Variants in CRTC1 observed in about 807,000 individuals in gnomAD.
CRTC1 encodes CREB regulated transcription coactivator 1, also known as CREB-regulated transcription coactivator 1.
In CRTC1, 18 loss-of-function variants were observed where a neutral mutation model predicts 66.1. The observed-to-expected ratio is 0.27, with a 90% CI of 0.19 to 0.40. CRTC1 has a LOEUF of 0.40. CRTC1 is among the 10% of genes least tolerant of loss of function. The probability of loss-of-function intolerance (pLI) is 1.00; values close to 1 mark genes in which losing one functional copy is unlikely to be tolerated. For synonymous variants in CRTC1, 416 were observed against 398.8 expected (o/e 1.04, Z -0.51); for missense variants, 669 against 887.9 (o/e 0.75, Z 3.13).
At chr19:18,750,504 A>G (rs1312861103) in intron 5 of CRTC1, among the ~76,000 whole-genome samples, 1 of 152,114 alleles carries the variant, frequency 6.6e-6, no homozygotes, top group Non-Finnish European at 1.5e-5. Flanking sequence ...GGGAACCTTC[A>G]AGGAGGGCAT....
intron 2 of CRTC1, among the ~76,000 whole-genome samples, chr19:18,744,554 G>T (rs1490717889): frequency 2.0e-5 from 3 of 152,152 alleles, no homozygotes; most frequent in African/African-American, 7.2e-5. Flanking sequence ...AGGCCAGCAG[G>T]CAGGACGTGG....
intron 1 of CRTC1, among the ~76,000 whole-genome samples, chr19:18,690,919 G>C (rs2052815247): frequency 6.6e-6 from 1 of 151,816 alleles, no homozygotes; most frequent in African/African-American, 2.4e-5. Flanking sequence ...CCAGCTACTC[G>C]GGAGGCTGAG....
intron 5 of CRTC1, among the ~76,000 whole-genome samples, chr19:18,750,321 G>A (rs139033543): frequency 6.6e-6 from 1 of 152,134 alleles, no homozygotes; most frequent in African/African-American, 2.4e-5. Context: ...AACTCTCCTC[G>A]CCTGCAGCCC....
chr19:18,711,327 C>T (rs973269259), intron 1 of CRTC1, among the ~76,000 whole-genome samples: 1 of 151,938 alleles, frequency 6.6e-6, no homozygotes, highest in African/African-American at 2.4e-5. Flanking sequence ...TTGGCGGCCC[C>T]GGGGCCGCTT....
intron 1 of CRTC1, among the ~76,000 whole-genome samples, chr19:18,688,068 T>G (rs2052730280): frequency 6.6e-6 from 1 of 151,966 alleles, no homozygotes; most frequent in Non-Finnish European, 1.5e-5. Context: ...GAGCCTGGGG[T>G]GCTGGGGCTC....
At chr19:18,690,223 G>A (rs2052797489) in intron 1 of CRTC1, among the ~76,000 whole-genome samples, 1 of 152,074 alleles carries the variant, frequency 6.6e-6, no homozygotes, top group South Asian at 2.1e-4. Flanking sequence ...GACAGTCATG[G>A]TGGCACGGTC....
intron 6 of CRTC1, among the ~76,000 whole-genome samples, chr19:18,759,065 T>C (rs1305433587): frequency 7.2e-5 from 11 of 152,228 alleles, no homozygotes; most frequent in Admixed American, 6.5e-4. Flanking sequence ...CCGGGCGCAG[T>C]GCAGTGACGC....
In CRTC1 at chr19:18,741,516, C is replaced by T. The variant is rs1055895802; in HGVS notation, c.127-1394C>T. Among the ~76,000 whole-genome samples, 57 of 152,288 alleles carry T rather than the reference C, an allele frequency of 3.7e-4. No homozygotes were observed. The highest frequency in any genetic ancestry group is 2.2e-4 in the Non-Finnish European group (15 of 68,016). ...ACACAGAAGAGGGTGGAGAAAGTCA[C>T]GGGAGGCCACAGGCGACCTATGCCC... is the stretch of plus-strand genomic sequence containing the variant. On this transcript the variant is annotated intron_variant, in intron 1 of 13. Coordinates refer to ENST00000321949, the MANE Select transcript of CRTC1 (RefSeq NM_015321.3). The surrounding 1 kb of genome is among the most constrained non-coding windows in gnomAD (Gnocchi z 4.2).
rs568996698 is a variant in CRTC1 at position 18,774,372 on chromosome 19, GC to G, written c.1426-525del. Among the ~76,000 whole-genome samples the G allele has an allele frequency of 4.1e-3, 632 of 152,366 alleles. 2 individuals carry two copies. Among genetic ancestry groups the G allele is most frequent in the Non-Finnish European group, 7.2e-3 (490 of 68,042 alleles). On this transcript the variant is annotated intron_variant, in intron 11 of 13. Transcript: ENST00000321949. ...GGGCCCCGGGTCCTGCAGGCTGGCAGCCCTGGGCAGGGGCTCTCCCTGTGCC... is the reference window on the plus strand; with the variant it reads ...GGGCCCCGGGTCCTGCAGGCTGGCAGCCTGGGCAGGGGCTCTCCCTGTGCC...
Position 18,740,937 on chromosome 19 carries a change from G to A in CRTC1, c.127-1973G>A, listed in dbSNP as rs547145992. ...GGAGAATCACTTGAGCCTGGGAGAT[G>A]GAGGTTGTAGTGAGCCAAGATGGCG... On this transcript the variant is annotated intron_variant, in intron 1 of 13. Coordinates refer to ENST00000321949, the MANE Select transcript of CRTC1 (RefSeq NM_015321.3). Among the ~76,000 whole-genome samples the A allele has an allele frequency of 2.6e-4, 39 of 152,240 alleles. 1 individual carries two copies. The highest frequency in any genetic ancestry group is 2.5e-3 in the Admixed American group (38 of 15,302).
intron 1 of CRTC1, among the ~76,000 whole-genome samples, chr19:18,725,763 G>T (rs992422131): frequency 6.6e-6 from 1 of 152,092 alleles, no homozygotes. Flanking sequence ...CAGGTATTCC[G>T]CCACCTTCCC....
chr19:18,725,439 G>A (rs1332760399), intron 1 of CRTC1, among the ~76,000 whole-genome samples: 1 of 152,200 alleles, frequency 6.6e-6, no homozygotes, highest in Non-Finnish European at 1.5e-5. Context: ...AGGAGAAGGA[G>A]GAGGACCCAG....
At chr19:18,774,268 C>A (rs1255444741) in intron 11 of CRTC1, among the ~76,000 whole-genome samples, 1 of 152,196 alleles carries the variant, frequency 6.6e-6, no homozygotes, top group Non-Finnish European at 1.5e-5. Flanking sequence ...ATAAGGTCCC[C>A]TAGCCCCCTG....
Position 18,780,420 on chromosome 19 carries a change from C to T in CRTC1, c.*3038C>T, listed in dbSNP as rs2055081241. The T allele has an allele frequency of 8.6e-6, 2 of 232,262 alleles. No homozygotes were observed. The highest frequency in any genetic ancestry group is 6.1e-5 in the East Asian group (1 of 16,468). The allele number at this position is 232,262 out of a possible 1,614,324, so 14.4% of individuals were successfully genotyped here. ...CCCAAGTTCAGCCTCTCTCTGTGTC[C>T]TCCAGAGAAGAGGGTTCTTTGCCCT... On this transcript the variant is annotated 3_prime_UTR_variant, in exon 14 of 14. Transcript: ENST00000321949.
At chr19:18,762,297 G>A (rs2054631693) in intron 8 of CRTC1, among the ~76,000 whole-genome samples, 1 of 152,248 alleles carries the variant, frequency 6.6e-6, no homozygotes, top group African/African-American at 2.4e-5. Context: ...GCTGGAGCCG[G>A]CGCTGGCCAG....
At chr19:18,723,005 A>G (rs976185268) in intron 1 of CRTC1, among the ~76,000 whole-genome samples, 4 of 151,842 alleles carry the variant, frequency 2.6e-5, no homozygotes, top group South Asian at 2.1e-4. Flanking sequence ...CAGAGGTGCA[A>G]TCTCGGCTCA....
intron 1 of CRTC1, among the ~76,000 whole-genome samples, chr19:18,703,266 C>G (rs928437178): frequency 1.3e-5 from 2 of 152,116 alleles, no homozygotes; most frequent in Non-Finnish European, 2.9e-5. Flanking sequence ...ATCTCCTGAC[C>G]TCGTGATCTG....
chr19:18,733,281 G>A (rs2053928955), intron 1 of CRTC1, among the ~76,000 whole-genome samples: 1 of 152,154 alleles, frequency 6.6e-6, no homozygotes, highest in African/African-American at 2.4e-5. Flanking sequence ...AGCTGGCAGG[G>A]CTGGAGTCTC....
intron 1 of CRTC1, among the ~76,000 whole-genome samples, chr19:18,704,771 A>T (rs189111901): frequency 6.6e-6 from 1 of 152,304 alleles, no homozygotes; most frequent in Admixed American, 6.5e-5. Context: ...CTTAACCTTA[A>T]GTGTGCAGTT....
Sources: allele counts gnomAD v4.1 joint callset (sites outside exome capture counted in the v4.1 genomes callset), GRCh38; gene constraint gnomAD v4.1.1; non-coding constraint Gnocchi (gnomAD v3.1); transcripts MANE v1.5; gene names NCBI Gene and HGNC (gene_info 2026-07-23, HGNC 2026-07-21).